UBR2: variants seen among roughly 807,000 people sequenced by gnomAD.
The protein encoded by UBR2 is ubiquitin protein ligase E3 component n-recognin 2.
UBR2 carries 92 observed loss-of-function variants against 247.9 expected under a neutral mutation model. That is an observed-to-expected ratio of 0.37 (90% confidence interval 0.31 to 0.44). The LOEUF is 0.44. UBR2 is among the 20% of genes least tolerant of loss of function. UBR2 has a pLI of 1.00. For missense variants in UBR2, 1,613 were observed against 2,112.6 expected, an observed-to-expected ratio of 0.76 and a Z score of 4.64; for synonymous variants, 672 against 693.5, an observed-to-expected ratio of 0.97 and a Z score of 0.49.
At chr6:42,621,424 C>A (rs937291126) in intron 11 of UBR2, among the ~76,000 whole-genome samples, 3 of 152,044 alleles carry the variant, frequency 2.0e-5, no homozygotes, top group Admixed American at 2.0e-4. Flanking sequence ...GTTAAATCTT[C>A]CAGCTTTATT....
In UBR2 at chr6:42,688,320, G is replaced by A. The variant is rs1799559837; in HGVS notation, c.4958G>A (p.Gly1653Glu). Residue 1653 changes from glycine to glutamate, a missense_variant, in exon 45 of 47, where the codon GGG (glycine) becomes GAG (glutamate). Gly to Glu is a moderately conservative substitution (Grantham distance 98). Around this residue, in one of 3 missense-constraint regions of UBR2, gnomAD observed 9 missense variants for 36.8 expected, o/e 0.24. Transcript: ENST00000372901. Reference sequence around the variant, plus strand: ...TACTGCTGCCAGACTGAACTGGAAGGGGAGGATGTAGGAGCCTGCACAGCT... The same window carrying A: ...TACTGCTGCCAGACTGAACTGGAAGAGGAGGATGTAGGAGCCTGCACAGCT... ...QSYCCQTELE[G>E]EDVGACTAHT... 6.2e-7 allele frequency: 1 copy of A among 1,614,070 alleles called. No homozygotes were observed. Among genetic ancestry groups the A allele is most frequent in the Non-Finnish European group, 8.5e-7 (1 of 1,180,044 alleles).
At chr6:42,670,538 A>C (rs1210368971) in intron 35 of UBR2, 122 bp from the exon 36 acceptor site, 1 of 748,838 alleles carries the variant, frequency 1.3e-6, no homozygotes, top group African/African-American at 1.8e-5. Context: ...GACTTTGAAG[A>C]TTCTGAAACT....
At chr6:42,602,351 C>A (rs1384556109) in intron 4 of UBR2, among the ~76,000 whole-genome samples, 4 of 152,040 alleles carry the variant, frequency 2.6e-5, no homozygotes, top group Admixed American at 6.6e-5. Flanking sequence ...TACAGGCGCC[C>A]TCCACCACGC....
intron 2 of UBR2, among the ~76,000 whole-genome samples, chr6:42,574,759 G>A (rs534591520): frequency 1.2e-4 from 18 of 150,392 alleles, no homozygotes; most frequent in Non-Finnish European, 1.9e-4. Context: ...GCAGTGGCGC[G>A]ATCTCGGCTC....
chr6:42,664,634 T>A (rs976755991), intron 32 of UBR2, among the ~76,000 whole-genome samples: 3 of 152,250 alleles, frequency 2.0e-5, no homozygotes, highest in Non-Finnish European at 4.4e-5. Flanking sequence ...GAGTGTAAGC[T>A]CATGCTTTTT....
chr6:42,654,202 G>T (rs975474491), intron 25 of UBR2, among the ~76,000 whole-genome samples: 3 of 152,164 alleles, frequency 2.0e-5, no homozygotes, highest in Non-Finnish European at 2.9e-5. Flanking sequence ...AAAGCATGGA[G>T]CTGTGGTGTA....
At chr6:42,660,258 G>A (rs558508661) in intron 30 of UBR2, among the ~76,000 whole-genome samples, 1 of 152,248 alleles carries the variant, frequency 6.6e-6, no homozygotes. Flanking sequence ...TATGTAAGAG[G>A]CAATCCTTGA....
intron 2 of UBR2, among the ~76,000 whole-genome samples, chr6:42,579,008 G>A (rs1470837868): frequency 6.6e-6 from 1 of 151,004 alleles, no homozygotes; most frequent in Non-Finnish European, 1.5e-5. Flanking sequence ...CAAACTTGAA[G>A]TCTTGATCTC....
chr6:42,651,518 G>A (rs1797111301), intron 23 of UBR2, among the ~76,000 whole-genome samples: 3 of 151,400 alleles, frequency 2.0e-5, no homozygotes, highest in African/African-American at 4.9e-5. Context: ...TTTTTTTTGA[G>A]ATAGGGTCTC....
intron 38 of UBR2, among the ~76,000 whole-genome samples, chr6:42,675,391 A>AG (rs1257265436): frequency 6.6e-6 from 1 of 152,188 alleles, no homozygotes; most frequent in Non-Finnish European, 1.5e-5. Context: ...TAAGAGGAGG[A>AG]GGTAGGATTC....
rs875433 is a variant in UBR2, at chr6:42,677,704, G to T, written c.4478+831G>T. On this transcript the variant is annotated intron_variant, in intron 40 of 46. Coordinates refer to ENST00000372901, the MANE Select transcript of UBR2 (RefSeq NM_001363705.2). ...TGAGGTAGTCAGATCACCCAGGCAG[G>T]TGAAGGCTGCAGTGAGCCATCACAC... 8.9e-3 allele frequency among the ~76,000 whole-genome samples: 1,352 copies of T among 152,206 alleles called. 14 individuals are homozygous for T. The highest frequency in any genetic ancestry group is 0.015 in the Non-Finnish European group (993 of 68,010).
At chr6:42,628,261 C>T (rs1205947617) in intron 11 of UBR2, among the ~76,000 whole-genome samples, 3 of 151,524 alleles carry the variant, frequency 2.0e-5, no homozygotes, top group Non-Finnish European at 4.4e-5. Flanking sequence ...TGAAAGAATA[C>T]TTTTATAGTT....
Position 42,612,231 on chromosome 6 carries a change from G to T in UBR2, c.925G>T (p.Ala309Ser). 6.5e-7 allele frequency: 1 copy of T among 1,546,130 alleles called. No homozygotes were observed. The highest frequency in any genetic ancestry group is 8.8e-7 in the Non-Finnish European group (1 of 1,131,808). Reference protein sequence around the residue: ...KVQVMHSSIVAHQNFGLKLLS... With the variant: ...KVQVMHSSIVSHQNFGLKLLS... ...TCAAGTTATGCATTCGTCTATTGTC[G>T]CACATCAGAATTTTGGTTTGAAACT... Residue 309 changes from alanine to serine, a missense_variant, in exon 8 of 47, where the codon GCA becomes TCA. Around this residue, in one of 3 missense-constraint regions of UBR2, gnomAD observed 1,524 missense variants for 1,967.3 expected, o/e 0.77. Transcript: ENST00000372901.
rs1302520707 is a variant in UBR2 at position 42,573,903 on chromosome 6, C to G, written c.248C>G (p.Ala83Gly). Residue 83 changes from alanine (A) to glycine (G), a missense_variant, in exon 2 of 47, where the codon GCA (alanine) becomes GGA (glycine). Ala to Gly is a moderately conservative substitution (Grantham distance 60). Coordinates refer to ENST00000372901, the MANE Select transcript of UBR2 (RefSeq NM_001363705.2). ...MEWYLCGEDP[A>G]FGFPKLEQAN... ...TGGTACCTTTGTGGTGAAGATCCTG[C>G]ATTTGGATTTCCAAAACTTGAGCAA... The G allele has an allele frequency of 1.9e-6, 3 of 1,613,988 alleles. No individual in the cohort carries two copies. In the East Asian group the frequency reaches 6.7e-5, roughly 36 times the overall value.
At chr6:42,677,071 A>G (rs1216853825) in intron 40 of UBR2, among the ~76,000 whole-genome samples, 198 bp downstream of exon 40, 1 of 152,220 alleles carries the variant, frequency 6.6e-6, no homozygotes, top group Non-Finnish European at 1.5e-5. Context: ...AAAGGTGATA[A>G]TATGCAGAGC....
chr6:42,637,052 A>G lies in UBR2; in HGVS notation c.1716A>G (p.Val572=). Residue 572 remains valine (V), a synonymous_variant, in exon 15 of 47, where the codon GTA becomes GTG. Coordinates refer to ENST00000372901, the MANE Select transcript of UBR2 (RefSeq NM_001363705.2). ...LIEAYKKCLA[V]LMQCHGGYTD... ...AAGCTTACAAGAAATGTCTCGCTGT[A>G]CTGATGCAGTGTCATGGTGGTTATA... 6.2e-7 allele frequency: 1 copy of G among 1,613,970 alleles called. No homozygotes were observed. The highest frequency in any genetic ancestry group is 1.3e-5 in the African/African-American group (1 of 75,044).
At chr6:42,600,421 A>G (rs1489175728) in intron 4 of UBR2, among the ~76,000 whole-genome samples, 1 of 152,150 alleles carries the variant, frequency 6.6e-6, no homozygotes, top group Non-Finnish European at 1.5e-5. Flanking sequence ...TATGCTATGA[A>G]AAGGGCAATC....
intron 25 of UBR2, among the ~76,000 whole-genome samples, chr6:42,653,606 CTTTTTTTTTTTTTTTTT>C (rs72460060): frequency 4.0e-5 from 2 of 50,582 alleles, no homozygotes; most frequent in South Asian, 2.3e-3. Context: ...ATGCTAAGCC[CTTTTTTTTTTTTTTTTT>C]TTTTTTTTTT....
At chr6:42,570,400 TTTTTGTATTTTTAGTAGAGATGGGG>T (rs1791039416) in intron 1 of UBR2, among the ~76,000 whole-genome samples, 1 of 152,006 alleles carries the variant, frequency 6.6e-6, no homozygotes, top group Non-Finnish European at 1.5e-5. Flanking sequence ...TCCTGGCTAA[TTTTTGTATTTTTAGTAGAGATGGGG>T]TTTCACCATG....
Sources: allele counts gnomAD v4.1 joint callset (sites outside exome capture counted in the v4.1 genomes callset), GRCh38; gene constraint gnomAD v4.1.1; regional missense constraint gnomAD v4.1.1; transcripts MANE v1.5; gene names NCBI Gene and HGNC (gene_info 2026-07-23, HGNC 2026-07-21).